GADL1: variants seen among roughly 807,000 people sequenced by gnomAD.
The protein encoded by GADL1 is GAD like acidic amino acid decarboxylase 1.
GADL1 carries 71 observed loss-of-function variants against 69.5 expected under a neutral mutation model. The ratio of observed to expected loss-of-function variants is 1.02; its 90% CI spans 0.84 to 1.25. The LOEUF (loss-of-function observed/expected upper bound fraction) is 1.25. GADL1 is among the 50% of genes most tolerant of loss of function. The probability of loss-of-function intolerance (pLI) is 0.00; values close to 1 mark genes in which losing one functional copy is unlikely to be tolerated. For synonymous variants in GADL1, 254 were observed against 214.4 expected, an observed-to-expected ratio of 1.18 and a Z score of -1.62; for missense variants, 737 against 631.8, an observed-to-expected ratio of 1.17 and a Z score of -1.79.
At chr3:30,864,396 A>G (rs888451165) in intron 1 of GADL1, among the ~76,000 whole-genome samples, 16 of 151,842 alleles carry the variant, frequency 1.1e-4, no homozygotes, top group African/African-American at 3.6e-4. Context: ...ATACACACAC[A>G]CGATAAAATA....
In GADL1 at chr3:30,849,995, C is replaced by G; in HGVS notation, c.651+1G>C. ...TATTCAATACCAAAAATAATTTTTA[C>G]CTCTGCAGATGTGAAAAGGATTAAT... On this transcript the variant is annotated splice_donor_variant, in intron 6 of 14. Coordinates refer to ENST00000282538, the MANE Select transcript of GADL1 (RefSeq NM_207359.3). LOFTEE classifies it high-confidence loss of function. The G allele has an allele frequency of 6.5e-7, 1 of 1,534,838 alleles. No individual in the cohort carries two copies. Among genetic ancestry groups the G allele is most frequent in the Non-Finnish European group, 9.0e-7 (1 of 1,109,832 alleles).
intron 14 of GADL1, among the ~76,000 whole-genome samples, chr3:30,761,207 A>C (rs899311730): frequency 3.9e-5 from 6 of 152,204 alleles, no homozygotes; most frequent in African/African-American, 1.4e-4. Context: ...TATTTCTATC[A>C]CATTATATAT....
At chr3:30,765,990 T>C (rs1242569649) in intron 14 of GADL1, among the ~76,000 whole-genome samples, 1 of 152,174 alleles carries the variant, frequency 6.6e-6, no homozygotes, top group Non-Finnish European at 1.5e-5. Context: ...GGGGTACTCA[T>C]GCTCAGGTGC....
intron 12 of GADL1, chr3:30,798,887 C>G (rs1208443228): frequency 6.6e-6 from 1 of 152,044 alleles, no homozygotes; most frequent in African/African-American, 2.4e-5. Context: ...AGTCTGAATT[C>G]CAGCAGGGCA....
intron 1 of GADL1, among the ~76,000 whole-genome samples, chr3:30,881,394 T>C (rs1698638933): frequency 6.6e-6 from 1 of 151,922 alleles, no homozygotes; most frequent in South Asian, 2.1e-4. Flanking sequence ...ACACTATATG[T>C]AATTCCAACC....
chr3:30,752,239 G>GT lies in GADL1; in HGVS notation c.1393-23825_1393-23824insA, dbSNP rs1350407184. ...ACAGCTTTTCCTTTTAAACTTAAGG[G>GT]AGGCTAGATCCACAAACCGAGCACT... is the stretch of plus-strand genomic sequence containing the variant. On this transcript the variant is annotated intron_variant, in intron 14 of 14. Transcript: ENST00000282538. 2.0e-5 allele frequency among the ~76,000 whole-genome samples: 3 copies of GT among 152,238 alleles called. No individual in the cohort carries two copies. The East Asian group carries it at 5.8e-4, about 29-fold the overall frequency.
intron 14 of GADL1, among the ~76,000 whole-genome samples, chr3:30,732,418 T>C (rs763109936): frequency 6.6e-6 from 1 of 152,168 alleles, no homozygotes. Flanking sequence ...GATTCTGACA[T>C]TTCTATTTGG....
chr3:30,886,214 TA>T (rs1698707013), intron 1 of GADL1, among the ~76,000 whole-genome samples: 1 of 152,120 alleles, frequency 6.6e-6, no homozygotes, highest in Admixed American at 6.5e-5. Context: ...GATCGCCTAA[TA>T]AGAAGCCCAA....
At chr3:30,737,812 A>C (rs1225286961) in intron 14 of GADL1, among the ~76,000 whole-genome samples, 1 of 152,172 alleles carries the variant, frequency 6.6e-6, no homozygotes, top group Non-Finnish European at 1.5e-5. Context: ...GACATGCGCA[A>C]AATAAAAGAA....
intron 12 of GADL1, among the ~76,000 whole-genome samples, chr3:30,797,097 T>G (rs1468444918): frequency 6.6e-6 from 1 of 152,178 alleles, no homozygotes; most frequent in African/African-American, 2.4e-5. Flanking sequence ...AATCAGGAGT[T>G]TAAAGTGGGC....
intron 12 of GADL1, chr3:30,799,238 A>G (rs965060403): frequency 1.3e-5 from 2 of 152,226 alleles, no homozygotes; most frequent in African/African-American, 2.4e-5. Context: ...GCAAACTTTT[A>G]TCTGGGCATC....
chr3:30,851,178 G>T (rs1019454863), intron 4 of GADL1, among the ~76,000 whole-genome samples: 2 of 152,104 alleles, frequency 1.3e-5, no homozygotes, highest in Non-Finnish European at 2.9e-5. Context: ...GCAGTCTTTC[G>T]AGAAAAACCT....
At chr3:30,738,690 G>A (rs1293859659) in intron 14 of GADL1, among the ~76,000 whole-genome samples, 1 of 152,116 alleles carries the variant, frequency 6.6e-6, no homozygotes, top group Non-Finnish European at 1.5e-5. Flanking sequence ...CAATATTTCT[G>A]AATATTGTGT....
chr3:30,894,206 T>C (rs1698821852), intron 1 of GADL1, among the ~76,000 whole-genome samples: 1 of 152,200 alleles, frequency 6.6e-6, no homozygotes, highest in Non-Finnish European at 1.5e-5. Flanking sequence ...AGGACTGAGA[T>C]GATGCTGTCC....
chr3:30,829,571 A>G, intron 11 of GADL1, among the ~76,000 whole-genome samples: 1 of 151,908 alleles, frequency 6.6e-6, no homozygotes, highest in African/African-American at 2.4e-5. Flanking sequence ...TCAACTAATC[A>G]ACTATAATTT....
At chr3:30,892,106 A>G (rs1457656470) in intron 1 of GADL1, among the ~76,000 whole-genome samples, 1 of 152,236 alleles carries the variant, frequency 6.6e-6, no homozygotes, top group Non-Finnish European at 1.5e-5. Context: ...CTGAAGAATC[A>G]TTCATTTTTA....
intron 9 of GADL1, among the ~76,000 whole-genome samples, chr3:30,838,707 G>A (rs573347498): frequency 6.6e-6 from 1 of 152,170 alleles, no homozygotes; most frequent in African/African-American, 2.4e-5. Context: ...ACCTAAAATG[G>A]GTGCCTTACA....
At chr3:30,744,031 C>T (rs1695665058) in intron 14 of GADL1, among the ~76,000 whole-genome samples, 1 of 152,158 alleles carries the variant, frequency 6.6e-6, no homozygotes, top group African/African-American at 2.4e-5. Flanking sequence ...TCAAGAAATA[C>T]ACCTTTGTAT....
At chr3:30,886,649 C>CTA (rs1326458044) in intron 1 of GADL1, among the ~76,000 whole-genome samples, 4 of 152,128 alleles carry the variant, frequency 2.6e-5, no homozygotes, top group African/African-American at 9.7e-5. Context: ...TAGCTTTATG[C>CTA]TAATAATTCA....
Sources: gnomAD v4.1 joint callset for allele counts (sites outside exome capture counted in the v4.1 genomes callset) on GRCh38, gnomAD v4.1.1 for gene constraint, MANE v1.5 for transcripts, NCBI Gene and HGNC (gene_info 2026-07-23, HGNC 2026-07-21) for gene names.